Variants in TYR observed in about 807,000 individuals in gnomAD.
TYR encodes tyrosinase.
A neutral mutation model predicts 51.5 loss-of-function variants in TYR; 58 were observed. The ratio of observed to expected loss-of-function variants is 1.13; its 90% CI spans 0.91 to 1.40. The LOEUF is 1.40. Among genes scored for constraint, TYR ranks in the 40% most tolerant of loss-of-function variants. The probability of loss-of-function intolerance (pLI) is 0.00; values close to 1 mark genes in which losing one functional copy is unlikely to be tolerated. For synonymous variants in TYR, 263 were observed against 235.2 expected (o/e 1.12, Z -1.08); for missense variants, 732 against 647.4 (o/e 1.13, Z -1.42).
chr11:89,294,265 A>T (rs1390651508), intron 4 of TYR: 1 of 151,738 alleles, frequency 6.6e-6, no homozygotes, highest in East Asian at 1.9e-4. Flanking sequence ...CCCTTTTTAA[A>T]ATTATTTATT....
chr11:89,269,283 C>T (rs541190383), intron 3 of TYR, among the ~76,000 whole-genome samples: 5 of 152,074 alleles, frequency 3.3e-5, no homozygotes, highest in African/African-American at 9.6e-5. Flanking sequence ...CTCCCATTTA[C>T]ACCCAGCATT....
intron 3 of TYR, among the ~76,000 whole-genome samples, chr11:89,247,453 T>G (rs977653068): frequency 6.6e-6 from 1 of 152,236 alleles, no homozygotes; most frequent in African/African-American, 2.4e-5. Flanking sequence ...GAAGACATCA[T>G]GTACTATAAC....
intron 1 of TYR, among the ~76,000 whole-genome samples, chr11:89,190,116 C>T (rs1193654385): frequency 6.6e-6 from 1 of 152,096 alleles, no homozygotes; most frequent in South Asian, 2.1e-4. Context: ...TAATAAACAA[C>T]TATGTTACTG....
At chr11:89,279,463 T>A (rs927614422) in intron 3 of TYR, among the ~76,000 whole-genome samples, 2 of 151,646 alleles carry the variant, frequency 1.3e-5, no homozygotes, top group Non-Finnish European at 3.0e-5. Flanking sequence ...TCTCAGTCTA[T>A]TACATTAGAT....
intron 3 of TYR, among the ~76,000 whole-genome samples, chr11:89,252,408 A>T (rs1944340544): frequency 6.6e-6 from 1 of 151,872 alleles, no homozygotes; most frequent in South Asian, 2.1e-4. Context: ...TTTAAAGTCC[A>T]TAATGGGGCA....
At chr11:89,257,379 A>C (rs552927623) in intron 3 of TYR, among the ~76,000 whole-genome samples, 1 of 152,054 alleles carries the variant, frequency 6.6e-6, no homozygotes, top group Admixed American at 6.6e-5. Flanking sequence ...ATTTCATTCT[A>C]TCTTCATGAA....
At chr11:89,289,878 A>G (rs1944836535) in intron 4 of TYR, among the ~76,000 whole-genome samples, 1 of 152,040 alleles carries the variant, frequency 6.6e-6, no homozygotes, top group Non-Finnish European at 1.5e-5. Flanking sequence ...TTGTAAGCTG[A>G]TTTAGGTGAA....
At chr11:89,279,422 TACAA>T (rs1376716716) in intron 3 of TYR, among the ~76,000 whole-genome samples, 1 of 151,628 alleles carries the variant, frequency 6.6e-6, no homozygotes, top group Non-Finnish European at 1.5e-5. Flanking sequence ...TCAAGAAGAA[TACAA>T]ACAGACAGGG....
intron 2 of TYR, among the ~76,000 whole-genome samples, chr11:89,217,827 T>A (rs1007246523): frequency 1.3e-5 from 2 of 149,846 alleles, no homozygotes; most frequent in Non-Finnish European, 2.9e-5. Flanking sequence ...CTGAAATAGT[T>A]TCCCATGTTA....
At chr11:89,288,903 TTGATA>T (rs1197400113) in intron 4 of TYR, among the ~76,000 whole-genome samples, 1 of 152,090 alleles carries the variant, frequency 6.6e-6, no homozygotes, top group African/African-American at 2.4e-5. Flanking sequence ...TTAAGATTTC[TTGATA>T]TAATTTTGTT....
intron 4 of TYR, among the ~76,000 whole-genome samples, chr11:89,285,596 G>T (rs893595411): frequency 1.2e-4 from 18 of 151,684 alleles, no homozygotes; most frequent in African/African-American, 4.1e-4. Flanking sequence ...GTATCTTCTT[G>T]ACAAAATGAG....
chr11:89,208,922 C>G (rs993282995), intron 2 of TYR, among the ~76,000 whole-genome samples: 3 of 152,096 alleles, frequency 2.0e-5, no homozygotes, highest in Non-Finnish European at 4.4e-5. Context: ...AAAGGTAAGA[C>G]CTTTTGCTCA....
At chr11:89,238,856 T>C (rs1260453854) in intron 3 of TYR, among the ~76,000 whole-genome samples, 4 of 152,314 alleles carry the variant, frequency 2.6e-5, no homozygotes, top group Non-Finnish European at 5.9e-5. Flanking sequence ...AATGATCATA[T>C]GATCATGTGA....
intron 2 of TYR, among the ~76,000 whole-genome samples, chr11:89,199,007 G>A (rs1441604787): frequency 3.3e-5 from 5 of 152,000 alleles, no homozygotes; most frequent in Admixed American, 2.0e-4. Context: ...GAGAACATGC[G>A]GTGTTTGGTT....
chr11:89,195,698 A>G (rs897016115), intron 2 of TYR, among the ~76,000 whole-genome samples: 1 of 151,700 alleles, frequency 6.6e-6, no homozygotes, highest in Non-Finnish European at 1.5e-5. Context: ...AAATAAAAAT[A>G]AAATAAAAAC....
intron 2 of TYR, among the ~76,000 whole-genome samples, chr11:89,218,706 AT>A (rs1324554618): frequency 6.6e-6 from 1 of 152,190 alleles, no homozygotes; most frequent in Admixed American, 6.5e-5. Context: ...TATCTTAATT[AT>A]TCTTCTTAAA....
chr11:89,265,817 G>T (rs1944519760), intron 3 of TYR, among the ~76,000 whole-genome samples: 1 of 151,872 alleles, frequency 6.6e-6, no homozygotes, highest in South Asian at 2.1e-4. Context: ...ACTCCAGATC[G>T]AATGATGCTC....
chr11:89,215,273 T>A (rs1049902751), intron 2 of TYR, among the ~76,000 whole-genome samples: 8 of 145,022 alleles, frequency 5.5e-5, no homozygotes, highest in African/African-American at 2.1e-4. Context: ...CAGCAAAATA[T>A]CACAAGGACA....
intron 1 of TYR, among the ~76,000 whole-genome samples, chr11:89,188,047 T>C (rs1943399453): frequency 6.6e-6 from 1 of 150,596 alleles, no homozygotes; most frequent in Non-Finnish European, 1.5e-5. Flanking sequence ...ATATATAATA[T>C]TTTATTTAAA....
Sources: gnomAD v4.1 joint callset for allele counts (sites outside exome capture counted in the v4.1 genomes callset) on GRCh38, gnomAD v4.1.1 for gene constraint, MANE v1.5 for transcripts, NCBI Gene and HGNC (gene_info 2026-07-23, HGNC 2026-07-21) for gene names.